The following TCF20 variants were observed in gnomAD, a reference collection of about 807,000 sequenced individuals.
TCF20 encodes the protein SPRE-binding protein.
In TCF20, 3 loss-of-function variants were observed where a neutral mutation model predicts 148.6. The observed-to-expected ratio is 0.02, with a 90% CI of 0.01 to 0.05. The LOEUF is 0.05. Ranked by LOEUF, TCF20 falls within the 10% of genes least tolerant of loss-of-function variation. TCF20 has a pLI of 1.00. For missense variants in TCF20, 2,350 were observed against 2,429.3 expected (o/e 0.97, Z 0.69); for synonymous variants, 1,049 against 909.5 (o/e 1.15, Z -2.76).
At chr22:42,246,592 C>A (rs1924927322) in intron 1 of TCF20, among the ~76,000 whole-genome samples, 1 of 152,222 alleles carries the variant, frequency 6.6e-6, no homozygotes, top group Non-Finnish European at 1.5e-5. Context: ...GTGTTCAATG[C>A]ACCGTAGAGG....
Position 42,210,371 on chromosome 22 carries a change from G to A in TCF20, c.4935C>T (p.Ala1645=), listed in dbSNP as rs374436838. The change falls in exon 2 of 6, where the codon GCC becomes GCT. Residue 1645 remains alanine (A), a synonymous_variant. Coordinates refer to ENST00000677622, the MANE Select transcript of TCF20 (RefSeq NM_001378418.1). The surrounding 1 kb of genome is among the most constrained non-coding windows in gnomAD (Gnocchi z 4.7). The part of the protein sequence containing the change: ...IHVVNKCELG[A]VCTIINAEEE... Reference sequence around the variant, plus strand: ...CCTCAGCATTGATGATTGTACAAACGGCTCCAAGTTCACACTTATTTACTA... The same window carrying A: ...CCTCAGCATTGATGATTGTACAAACAGCTCCAAGTTCACACTTATTTACTA... The A allele has an allele frequency of 1.4e-5, 23 of 1,614,060 alleles. No individual in the cohort carries two copies. In the African/African-American group the frequency reaches 2.4e-4, roughly 17 times the overall value.
chr22:42,311,245 G>A (rs923871751), intron 1 of TCF20, among the ~76,000 whole-genome samples: 3 of 152,260 alleles, frequency 2.0e-5, no homozygotes, highest in Admixed American at 6.5e-5. Context: ...CCTGCAGTCA[G>A]GGAGGCAGAA....
intron 1 of TCF20, among the ~76,000 whole-genome samples, chr22:42,254,838 GC>G (rs1379661150): frequency 6.6e-6 from 1 of 151,414 alleles, no homozygotes; most frequent in Non-Finnish European, 1.5e-5. Context: ...GGAGGCGGGC[GC>G]CTGTAGTCCC....
In TCF20 at chr22:42,213,628, G is replaced by T. The variant is rs1476027574; in HGVS notation, c.1678C>A (p.Pro560Thr). 1 of 1,614,136 alleles carries T rather than the reference G, an allele frequency of 6.2e-7. No homozygotes were observed. Among genetic ancestry groups the T allele is most frequent in the East Asian group, 2.2e-5 (1 of 44,880 alleles). ...GGASEKAGSSPAQGAQNEPPR... is the reference protein window; with the variant it reads ...GGASEKAGSSTAQGAQNEPPR... ...GGTTCATTCTGAGCACCTTGTGCCG[G>T]TGAGGAGCCAGCTTTCTCAGAGGCT... The change falls in exon 2 of 6, where the codon CCG (proline) becomes ACG (threonine). Residue 560 changes from proline (P) to threonine (T), a missense_variant. Physicochemically the swap from Pro to Thr is conservative, Grantham distance 38 (BLOSUM62 -1). This residue lies in a region of TCF20 where 1,641 missense variants were observed against 1,662.6 expected (regional missense o/e 0.99). Coordinates refer to ENST00000677622, the MANE Select transcript of TCF20 (RefSeq NM_001378418.1).
Position 42,270,530 on chromosome 22 carries a change from G to T in TCF20, c.-228C>A, listed in dbSNP as rs934872529. On this transcript the variant is annotated 5_prime_UTR_variant, in exon 1 of 6. Coordinates refer to ENST00000677622, the MANE Select transcript of TCF20 (RefSeq NM_001378418.1). ...GAGGCTCGCTCCGGCCCGCGCGCTC[G>T]CTCCCCGGTCAGGCGCGCCTCAGGG... is the stretch of plus-strand genomic sequence containing the variant. 2.7e-5 allele frequency among the ~76,000 whole-genome samples: 4 copies of T among 145,534 alleles called. No homozygotes were observed. Among genetic ancestry groups the T allele is most frequent in the Admixed American group, 6.8e-5 (1 of 14,722 alleles).
chr22:42,242,970 G>C (rs537761411), intron 1 of TCF20, among the ~76,000 whole-genome samples: 1 of 152,076 alleles, frequency 6.6e-6, no homozygotes, highest in South Asian at 2.1e-4. Flanking sequence ...CATGACTTTA[G>C]CTATATAATA....
Position 42,197,035 on chromosome 22 carries a change from T to C in TCF20, c.5655+12616A>G, listed in dbSNP as rs147712969. ...GCATACAACCAAAATCACTCCACTA[T>C]TACCAGGTTTACGTGGACAGCATCA... On this transcript the variant is annotated intron_variant, in intron 2 of 5. Coordinates refer to ENST00000677622, the MANE Select transcript of TCF20 (RefSeq NM_001378418.1). Among the ~76,000 whole-genome samples the C allele has an allele frequency of 5.9e-5, 9 of 152,344 alleles. No individual in the cohort carries two copies. In the East Asian group the frequency reaches 1.7e-3, roughly 29 times the overall value.
chr22:42,295,090 A>G (rs1927206975), intron 1 of TCF20, among the ~76,000 whole-genome samples: 1 of 152,168 alleles, frequency 6.6e-6, no homozygotes, highest in Non-Finnish European at 1.5e-5. Context: ...ACTGCCACTG[A>G]GGGAGATGAC....
In TCF20 at chr22:42,219,355, C is replaced by CAAAAAAAAAAAAAAAAAAAAAAAAAAAAA. The variant is rs528664836; in HGVS notation, c.-36-4015_-36-4014insTTTTTTTTTTTTTTTTTTTTTTTTTTTTT. 1.7e-3 allele frequency among the ~76,000 whole-genome samples: 75 copies of CAAAAAAAAAAAAAAAAAAAAAAAAAAAAA among 43,560 alleles called. 4 individuals are homozygous for CAAAAAAAAAAAAAAAAAAAAAAAAAAAAA. The highest frequency in any genetic ancestry group is 2.6e-3 in the Non-Finnish European group (60 of 23,264). 28.6% of individuals were successfully genotyped at this position (43,560 alleles called of 152,430 possible). Reference sequence around the variant, plus strand: ...ACCCTGGGTGACAGTAACCCTGTCTCAAAAAAAAAAAAAAAAAAAAAAAAA... The same window carrying CAAAAAAAAAAAAAAAAAAAAAAAAAAAAA: ...ACCCTGGGTGACAGTAACCCTGTCTCAAAAAAAAAAAAAAAAAAAAAAAAAAAAAAAAAAAAAAAAAAAAAAAAAAAAAA... On this transcript the variant is annotated intron_variant, in intron 1 of 5. Transcript: ENST00000677622.
In TCF20 at chr22:42,211,126, CAGG is replaced by C; in HGVS notation, c.4177_4179del (p.Pro1393del). 2 of 1,614,236 alleles carry C rather than the reference CAGG, an allele frequency of 1.2e-6. No homozygotes were observed. Among genetic ancestry groups the C allele is most frequent in the East Asian group, 4.5e-5 (2 of 44,884 alleles). ...TCCTGAACAGCAACACTCCCACCTT[CAGG>C]AGGACCACTCTTCAAAGACAGTATA... On this transcript the variant is annotated inframe_deletion, in exon 2 of 6. Transcript: ENST00000677622.
intron 2 of TCF20, among the ~76,000 whole-genome samples, chr22:42,206,258 C>CA (rs571318787): frequency 1.3e-5 from 2 of 152,162 alleles, no homozygotes; most frequent in East Asian, 3.9e-4. Context: ...ATATGCACAT[C>CA]AAAAAGCAAT....
At chr22:42,238,181 A>G (rs1046109094) in intron 1 of TCF20, among the ~76,000 whole-genome samples, 9 of 152,242 alleles carry the variant, frequency 5.9e-5, no homozygotes, top group African/African-American at 2.2e-4. Flanking sequence ...CAGCTTCTAC[A>G]TTAGCACTTG....
intron 1 of TCF20, among the ~76,000 whole-genome samples, chr22:42,249,983 G>A (rs1925230560): frequency 1.3e-5 from 2 of 152,146 alleles, no homozygotes; most frequent in African/African-American, 2.4e-5. Context: ...GAAGCCAGGT[G>A]TGGTGGAGCA....
At chr22:42,208,557 C>T (rs747007741) in intron 2 of TCF20, among the ~76,000 whole-genome samples, 25 of 152,066 alleles carry the variant, frequency 1.6e-4, no homozygotes, top group African/African-American at 5.6e-4. Flanking sequence ...AAGCTGTGAT[C>T]GCACCACTGC....
In TCF20 at chr22:42,213,109, TTTC is replaced by T; in HGVS notation, c.2194_2196del (p.Glu732del). 6.2e-7 allele frequency: 1 copy of T among 1,614,182 alleles called. No individual in the cohort carries two copies. The highest frequency in any genetic ancestry group is 1.1e-5 in the South Asian group (1 of 91,084). On this transcript the variant is annotated inframe_deletion, in exon 2 of 6. Coordinates refer to ENST00000677622, the MANE Select transcript of TCF20 (RefSeq NM_001378418.1). The stretch of plus-strand genomic sequence containing the variant: ...TCCCCATGGCCAGTGAAATCTCCCT[TTTC>T]TTGCCCTGTAGGATACTGAGGAAAG...
At chr22:42,307,168 G>A (rs1927450950) in intron 1 of TCF20, among the ~76,000 whole-genome samples, 1 of 152,188 alleles carries the variant, frequency 6.6e-6, no homozygotes, top group Admixed American at 6.5e-5. Context: ...CACCAAGGGA[G>A]GCAGCAGCAG....
rs2032646515 is a variant in TCF20 at position 42,161,287 on chromosome 22, G to T, written c.*116C>A. 11 of 1,612,060 alleles carry T rather than the reference G, an allele frequency of 6.8e-6. No individual in the cohort carries two copies. The highest frequency in any genetic ancestry group is 5.3e-5 in the African/African-American group (4 of 74,886). On this transcript the variant is annotated 3_prime_UTR_variant, in exon 6 of 6. Transcript: ENST00000677622. ...GCGGGGCGGGGCGGGGCAGGGCAGG[G>T]TGTGGCTGCACGGTAGGACGATTTC... is the stretch of plus-strand genomic sequence containing the variant.
intron 1 of TCF20, among the ~76,000 whole-genome samples, chr22:42,328,808 G>A (rs890783385): frequency 6.6e-6 from 1 of 152,208 alleles, no homozygotes; most frequent in African/African-American, 2.4e-5. Flanking sequence ...GCCCCAGACG[G>A]GGGGGAAAGC....
intron 5 of TCF20, among the ~76,000 whole-genome samples, chr22:42,162,399 A>C (rs1935521325): frequency 6.6e-6 from 1 of 152,132 alleles, no homozygotes; most frequent in South Asian, 2.1e-4. Context: ...CAGGAACCTG[A>C]GACCCCTAGG....
Sources: gnomAD v4.1 joint callset for allele counts (sites outside exome capture counted in the v4.1 genomes callset) on GRCh38, gnomAD v4.1.1 for gene constraint, gnomAD v4.1.1 regional missense constraint, Gnocchi (gnomAD v3.1) non-coding constraint, MANE v1.5 for transcripts, NCBI Gene and HGNC (gene_info 2026-07-23, HGNC 2026-07-21) for gene names.